Variants in ARHGAP31 observed in about 807,000 individuals in gnomAD.
The protein encoded by ARHGAP31 is Rho GTPase activating protein 31.
ARHGAP31 carries 34 observed loss-of-function variants against 113.9 expected under a neutral mutation model. The ratio of observed to expected loss-of-function variants is 0.30; its 90% confidence interval spans 0.23 to 0.40. The LOEUF (loss-of-function observed/expected upper bound fraction) is 0.40. Ranked by LOEUF, ARHGAP31 falls within the 10% of genes least tolerant of loss-of-function variation. The pLI is 1.00. For synonymous variants in ARHGAP31, 650 were observed against 684.8 expected (o/e 0.95, Z 0.79); for missense variants, 1,548 against 1,767.1 (o/e 0.88, Z 2.22).
In ARHGAP31 at chr3:119,294,755, C is replaced by G. The variant is rs1398153643; in HGVS notation, c.-150C>G. ...CGGCCCGCGGCCCGCGGGGTCCATG[C>G]GCAGGGCCCCCAGCCCAAGTTCTTC... On this transcript the variant is annotated 5_prime_UTR_variant, in exon 1 of 12. Transcript: ENST00000264245. 3 of 748,976 alleles carry G rather than the reference C, an allele frequency of 4.0e-6. No individual in the cohort carries two copies. In the South Asian group the frequency reaches 4.5e-5, roughly 11 times the overall value. The allele number at this position is 748,976 out of a possible 1,614,324, so 46.4% of individuals were successfully genotyped here. A position where few individuals can be genotyped will look rare whatever the true frequency, so the allele number is the denominator to read the frequency against.
At chr3:119,315,524 C>A (rs369990404) in intron 1 of ARHGAP31, among the ~76,000 whole-genome samples, 3 of 152,356 alleles carry the variant, frequency 2.0e-5, no homozygotes, top group South Asian at 4.1e-4. Context: ...AAGGAAAAGA[C>A]AAGACCCTGG....
rs115812284 is a variant in ARHGAP31 at position 119,391,604 on chromosome 3, C to A, written c.881+621C>A. On this transcript the variant is annotated intron_variant, in intron 7 of 11. Coordinates refer to ENST00000264245, the MANE Select transcript of ARHGAP31 (RefSeq NM_020754.4). ...CTGGGTCTCTACCCCCCCCTCCCCC[C>A]CGCCGTCACTCATATCCCATAGTAG... is the stretch of plus-strand genomic sequence containing the variant. 3.4e-4 allele frequency among the ~76,000 whole-genome samples: 39 copies of A among 113,460 alleles called. 1 individual carries two copies. The highest frequency in any genetic ancestry group is 6.9e-4 in the Non-Finnish European group (39 of 56,878). The allele number at this position is 113,460 out of a possible 152,430, so 74.4% of individuals were successfully genotyped here.
chr3:119,300,041 C>A (rs980390688), intron 1 of ARHGAP31, among the ~76,000 whole-genome samples: 1 of 152,230 alleles, frequency 6.6e-6, no homozygotes, highest in Non-Finnish European at 1.5e-5. Flanking sequence ...CCTCCTGAGG[C>A]AGGTGCCCCT....
intron 2 of ARHGAP31, among the ~76,000 whole-genome samples, chr3:119,366,629 A>G (rs2080254225): frequency 6.6e-6 from 1 of 152,200 alleles, no homozygotes; most frequent in African/African-American, 2.4e-5. Context: ...TCCCGGAAGG[A>G]CACTTCAGTA....
At chr3:119,322,144 TAGTC>T (rs367810482) in intron 1 of ARHGAP31, among the ~76,000 whole-genome samples, 2 of 152,224 alleles carry the variant, frequency 1.3e-5, no homozygotes, top group African/African-American at 4.8e-5. Context: ...GGTGTGTTAT[TAGTC>T]AGAACTCTCT....
intron 1 of ARHGAP31, among the ~76,000 whole-genome samples, chr3:119,353,248 T>TA (rs1387809767): frequency 2.0e-5 from 3 of 152,190 alleles, no homozygotes; most frequent in Non-Finnish European, 2.9e-5. Context: ...GCTGGCTCTC[T>TA]AAAAACGCAC....
chr3:119,419,729 A>C lies in ARHGAP31; in HGVS notation c.*3465A>C, dbSNP rs978883359. The C allele has an allele frequency of 6.6e-6, 1 of 152,214 alleles. No homozygotes were observed. The highest frequency in any genetic ancestry group is 1.5e-5 in the Non-Finnish European group (1 of 68,026). 9.4% of individuals were successfully genotyped at this position (152,214 alleles called of 1,614,324 possible). A position where few individuals can be genotyped will look rare whatever the true frequency, so the allele number is the denominator to read the frequency against. ...AGTGACCTACTGACTCCAAATAATC[A>C]AATTGAACACAATTGCAAATCCAAT... On this transcript the variant is annotated 3_prime_UTR_variant, in exon 12 of 12. Coordinates refer to ENST00000264245, the MANE Select transcript of ARHGAP31 (RefSeq NM_020754.4).
chr3:119,333,634 C>G (rs1167436955), intron 1 of ARHGAP31, among the ~76,000 whole-genome samples: 1 of 152,210 alleles, frequency 6.6e-6, no homozygotes, highest in Non-Finnish European at 1.5e-5. Context: ...ACTTTTCCTT[C>G]CCAACACTTA....
Position 119,414,171 on chromosome 3 carries a change from G to C in ARHGAP31, c.2242G>C (p.Asp748His), listed in dbSNP as rs1354221993. ...KPEPEQGLHPDLASLAPLEIV... is the reference protein window; with the variant it reads ...KPEPEQGLHPHLASLAPLEIV... ...GGAACCTGAGCAGGGCCTGCACCCA[G>C]ACCTCGCCAGCCTGGCTCCTCTGGA... The change falls in exon 12 of 12, where the codon GAC becomes CAC. Residue 748 changes from aspartate to histidine, a missense_variant. Coordinates refer to ENST00000264245, the MANE Select transcript of ARHGAP31 (RefSeq NM_020754.4). 2 of 1,614,036 alleles carry C rather than the reference G, an allele frequency of 1.2e-6. No individual in the cohort carries two copies. Among genetic ancestry groups the C allele is most frequent in the African/African-American group, 2.7e-5 (2 of 74,914 alleles).
rs1037036329 is a variant in ARHGAP31, at chr3:119,294,576, G to A, written c.-329G>A. 105 of 509,698 alleles carry A rather than the reference G, an allele frequency of 2.1e-4. No homozygotes were observed. Among genetic ancestry groups the A allele is most frequent in the Non-Finnish European group, 2.2e-4 (66 of 295,350 alleles). 31.6% of individuals were successfully genotyped at this position (509,698 alleles called of 1,614,324 possible). Reference sequence around the variant, plus strand: ...AGCTTGCCCTCCCTCTTAAGCTGAGGAGAAACACCCGAAGACACCGCAGGA... The same window carrying A: ...AGCTTGCCCTCCCTCTTAAGCTGAGAAGAAACACCCGAAGACACCGCAGGA... On this transcript the variant is annotated 5_prime_UTR_variant, in exon 1 of 12. Coordinates refer to ENST00000264245, the MANE Select transcript of ARHGAP31 (RefSeq NM_020754.4).
intron 1 of ARHGAP31, among the ~76,000 whole-genome samples, chr3:119,348,474 A>G (rs2080082024): frequency 6.6e-6 from 1 of 152,158 alleles, no homozygotes; most frequent in Non-Finnish European, 1.5e-5. Flanking sequence ...AATCCTTCGT[A>G]TCATCTTCAC....
intron 1 of ARHGAP31, among the ~76,000 whole-genome samples, chr3:119,321,290 T>C (rs991088867): frequency 6.8e-5 from 10 of 147,232 alleles, no homozygotes; most frequent in African/African-American, 2.2e-4. Flanking sequence ...TATATATATA[T>C]ATATAGTATA....
At chr3:119,359,594 T>C (rs906273089) in intron 1 of ARHGAP31, among the ~76,000 whole-genome samples, 2 of 151,532 alleles carry the variant, frequency 1.3e-5, no homozygotes, top group Non-Finnish European at 2.9e-5. Flanking sequence ...GAGGGAAAAT[T>C]GGGGTGGGCA....
In ARHGAP31 at chr3:119,418,946, G is replaced by C. The variant is rs1031390820; in HGVS notation, c.*2682G>C. The C allele has an allele frequency of 6.6e-6, 1 of 152,258 alleles. No homozygotes were observed. The highest frequency in any genetic ancestry group is 2.4e-5 in the African/African-American group (1 of 41,416). The allele number at this position is 152,258 out of a possible 1,614,324, so 9.4% of individuals were successfully genotyped here. On this transcript the variant is annotated 3_prime_UTR_variant, in exon 12 of 12. Coordinates refer to ENST00000264245, the MANE Select transcript of ARHGAP31 (RefSeq NM_020754.4). The stretch of plus-strand genomic sequence containing the variant: ...GGCTTTCATAAACTTCCTGTGGTCT[G>C]GGCTAGCCTGGCACTGATGAAATTC...
At chr3:119,369,466 C>A (rs187610885) in intron 3 of ARHGAP31, among the ~76,000 whole-genome samples, 1 of 152,128 alleles carries the variant, frequency 6.6e-6, no homozygotes, top group Non-Finnish European at 1.5e-5. Flanking sequence ...GAGACTATGG[C>A]GAGGTTACAG....
intron 1 of ARHGAP31, among the ~76,000 whole-genome samples, chr3:119,362,665 G>A (rs1183110754): frequency 6.6e-6 from 1 of 152,008 alleles, no homozygotes; most frequent in Non-Finnish European, 1.5e-5. Flanking sequence ...CTACTCGGGA[G>A]GCTGAGGCAG....
chr3:119,401,642 A>T (rs1269363361), intron 9 of ARHGAP31, among the ~76,000 whole-genome samples, 180 bp from the exon 10 acceptor site: 1 of 152,158 alleles, frequency 6.6e-6, no homozygotes, highest in Non-Finnish European at 1.5e-5. Flanking sequence ...TTCTGTGCAT[A>T]TGAGGAAGTG....
chr3:119,331,198 A>G (rs1033283558), intron 1 of ARHGAP31, among the ~76,000 whole-genome samples: 1 of 152,160 alleles, frequency 6.6e-6, no homozygotes, highest in Non-Finnish European at 1.5e-5. Context: ...CAGGGTCCCC[A>G]TGCTAAATAA....
At chr3:119,365,792 G>T (rs1352004270) in intron 2 of ARHGAP31, among the ~76,000 whole-genome samples, 2 of 152,180 alleles carry the variant, frequency 1.3e-5, no homozygotes, top group Non-Finnish European at 2.9e-5. Flanking sequence ...CTGTTACTTA[G>T]TGTTCAGAGA....
Sources: gnomAD v4.1 joint callset for allele counts (sites outside exome capture counted in the v4.1 genomes callset) on GRCh38, gnomAD v4.1.1 for gene constraint, MANE v1.5 for transcripts, NCBI Gene and HGNC (gene_info 2026-07-23, HGNC 2026-07-21) for gene names.